The following PHLDA3 variants were observed in gnomAD, a reference collection of about 807,000 sequenced individuals.
PHLDA3 encodes pleckstrin homology-like domain family A member 3.
A neutral mutation model predicts 7.6 loss-of-function variants in PHLDA3; 12 were observed. That is an observed-to-expected ratio of 1.58 (90% CI 1.01 to 2.55). The LOEUF (loss-of-function observed/expected upper bound fraction) is 2.55. Among genes scored for constraint, PHLDA3 ranks in the 30% most tolerant of loss-of-function variants. The pLI is 0.00. For synonymous variants in PHLDA3, 104 were observed against 85.1 expected (o/e 1.22, Z -1.23); for missense variants, 177 against 175.6 (o/e 1.01, Z -0.05).
chr1:201,468,743 A>G lies in PHLDA3; in HGVS notation c.44T>C (p.Leu15Pro), dbSNP rs780299942. Residue 15 changes from leucine (L) to proline (P), a missense_variant, in exon 1 of 2, where the codon CTG (leucine) becomes CCG (proline). Transcript: ENST00000367311. Reference protein sequence around the residue: ...ATATVLKEGVLEKRSGGLLQL... With the variant: ...ATATVLKEGVPEKRSGGLLQL... ...CAGCAGCCCGCCGCTGCGCTTCTCC[A>G]GCACGCCCTCCTTGAGCACGGTAGC... is the stretch of plus-strand genomic sequence containing the variant. 267 of 1,595,290 alleles carry G rather than the reference A, an allele frequency of 1.7e-4. 1 individual carries two copies. Among genetic ancestry groups the G allele is most frequent in the Non-Finnish European group, 2.3e-4 (267 of 1,176,074 alleles).
chr1:201,468,002 C>A (rs1302665004), intron 1 of PHLDA3, among the ~76,000 whole-genome samples: 1 of 152,250 alleles, frequency 6.6e-6, no homozygotes, highest in Non-Finnish European at 1.5e-5. Context: ...CAGCCTGGGG[C>A]AATGTGCAGG....
At position 201,465,529 on chromosome 1, in the gene PHLDA3, G is replaced by C. The variant is rs1168176933; in HGVS notation, c.*712C>G. 1 of 154,872 alleles carries C rather than the reference G, an allele frequency of 6.5e-6. No homozygotes were observed. The allele number at this position is 154,872 out of a possible 1,614,324, so 9.6% of individuals were successfully genotyped here. A position where few individuals can be genotyped will look rare whatever the true frequency, so the allele number is the denominator to read the frequency against. ...GCCCTTTGCAGGGCATCTTCATTTG[G>C]GGAAAGACATGAAATGCTAATGGCC... On this transcript the variant is annotated 3_prime_UTR_variant, in exon 2 of 2. Coordinates refer to ENST00000367311, the MANE Select transcript of PHLDA3 (RefSeq NM_012396.5).
At position 201,467,319 on chromosome 1, in the gene PHLDA3, T is replaced by A. The variant is rs370905764; in HGVS notation, c.*62+1022A>T. Among the ~76,000 whole-genome samples the A allele has an allele frequency of 8.6e-5, 13 of 151,492 alleles. 1 individual carries two copies. In the East Asian group the frequency reaches 2.2e-3, roughly 25 times the overall value. On this transcript the variant is annotated intron_variant, in intron 1 of 1. Coordinates refer to ENST00000367311, the MANE Select transcript of PHLDA3 (RefSeq NM_012396.5). The stretch of plus-strand genomic sequence containing the variant: ...ACAGGTAGAGATCCTGTCTCAAAAA[T>A]ATATATATAGGCTGGGTGCAGTGGC...
chr1:201,467,639 TACACAC>T (rs56225084), intron 1 of PHLDA3: 53,326 of 139,610 alleles, frequency 0.38, 10,811 homozygotes, highest in Non-Finnish European at 0.48. Flanking sequence ...CAACAAACCA[TACACAC>T]ACACACACAC....
chr1:201,468,997 C>CCCCGCTTCAGCCGGCA lies in PHLDA3; in HGVS notation c.-227_-212dup, dbSNP rs1663758186. 3 of 470,548 alleles carry CCCCGCTTCAGCCGGCA rather than the reference C, an allele frequency of 6.4e-6. No individual in the cohort carries two copies. Among genetic ancestry groups the CCCCGCTTCAGCCGGCA allele is most frequent in the Non-Finnish European group, 1.0e-5 (3 of 289,832 alleles). 29.1% of individuals were successfully genotyped at this position (470,548 alleles called of 1,614,324 possible). On this transcript the variant is annotated 5_prime_UTR_variant, in exon 1 of 2. Transcript: ENST00000367311. ...CCCCCAGCGCGCTCCGCGCCCACCG[C>CCCCGCTTCAGCCGGCA]CCCGCTTCAGCCGGCACCCGCTCCT... is the stretch of plus-strand genomic sequence containing the variant.
Position 201,468,513 on chromosome 1 carries a change from G to C in PHLDA3, c.274C>G (p.Pro92Ala). ...AGGGTGATCTGGGCGTTCCAGCCGGGATCTTCCAGGGGGCAGCGGAAGTCG... is the reference window on the plus strand; with the variant it reads ...AGGGTGATCTGGGCGTTCCAGCCGGCATCTTCCAGGGGGCAGCGGAAGTCG... ...EIDFRCPLED[P>A]GWNAQITLGL... Residue 92 changes from proline to alanine, a missense_variant, in exon 1 of 2, where the codon CCC becomes GCC. Pro to Ala is a conservative substitution (Grantham distance 27). Transcript: ENST00000367311. The C allele has an allele frequency of 6.2e-7, 1 of 1,614,188 alleles. No homozygotes were observed. Among genetic ancestry groups the C allele is most frequent in the Non-Finnish European group, 8.5e-7 (1 of 1,180,032 alleles).
chr1:201,467,092 C>A (rs376646604), intron 1 of PHLDA3, among the ~76,000 whole-genome samples: 2 of 152,100 alleles, frequency 1.3e-5, no homozygotes, highest in African/African-American at 4.8e-5. Context: ...GGGCAGATTG[C>A]TTGAGCTCAG....
At chr1:201,468,089 C>T (rs1056683853) in intron 1 of PHLDA3, among the ~76,000 whole-genome samples, 14 of 152,202 alleles carry the variant, frequency 9.2e-5, no homozygotes, top group African/African-American at 3.1e-4. Context: ...CCCAGGTATC[C>T]CCCTCCCAGG....
intron 1 of PHLDA3, chr1:201,466,587 T>A (rs899090533): frequency 6.6e-6 from 1 of 151,956 alleles, no homozygotes; most frequent in Non-Finnish European, 1.5e-5. Context: ...ACTGGAAAAA[T>A]TAAGGCTAGA....
Position 201,468,846 on chromosome 1 carries a change from C to G in PHLDA3, c.-60G>C, listed in dbSNP as rs1461056479. On this transcript the variant is annotated 5_prime_UTR_variant, in exon 1 of 2. Transcript: ENST00000367311. ...CGGCGGGCGCGGCGCCCCTCTCGGC[C>G]CCGCAGCGCAGGATTCTGGCGCCCC... The G allele has an allele frequency of 1.4e-6, 2 of 1,440,632 alleles. No individual in the cohort carries two copies. Among genetic ancestry groups the G allele is most frequent in the East Asian group, 2.8e-5 (1 of 35,570 alleles). The allele number at this position is 1,440,632 out of a possible 1,614,324, so 89.2% of individuals were successfully genotyped here.
In PHLDA3 at chr1:201,465,311, G is replaced by A. The variant is rs759144034; in HGVS notation, c.*930C>T. ...TGAACTGACCAGCTTGACATCCCTCGGTCCAGAATCTATGGGCCCTCCTTC... is the reference window on the plus strand; with the variant it reads ...TGAACTGACCAGCTTGACATCCCTCAGTCCAGAATCTATGGGCCCTCCTTC... On this transcript the variant is annotated 3_prime_UTR_variant, in exon 2 of 2. Transcript: ENST00000367311. The A allele has an allele frequency of 7.2e-5, 11 of 152,302 alleles. 1 individual carries two copies. Among genetic ancestry groups the A allele is most frequent in the Non-Finnish European group, 1.5e-4 (10 of 68,034 alleles). The allele number at this position is 152,302 out of a possible 1,614,324, so 9.4% of individuals were successfully genotyped here. A position where few individuals can be genotyped will look rare whatever the true frequency, so the allele number is the denominator to read the frequency against.
rs781450871 is a variant in PHLDA3, at chr1:201,464,691, C to A, written c.*1550G>T. ...ACAGGGAAGGTCAGACATGGGAAAA[C>A]AATGGAGGAAAGGCAGGCAGGGTCA... is the stretch of plus-strand genomic sequence containing the variant. On this transcript the variant is annotated 3_prime_UTR_variant, in exon 2 of 2. Coordinates refer to ENST00000367311, the MANE Select transcript of PHLDA3 (RefSeq NM_012396.5). The A allele has an allele frequency of 6.6e-6, 1 of 152,304 alleles. No homozygotes were observed. The allele number at this position is 152,304 out of a possible 1,614,324, so 9.4% of individuals were successfully genotyped here.
At position 201,465,281 on chromosome 1, in the gene PHLDA3, G is replaced by C. The variant is rs188956475; in HGVS notation, c.*960C>G. The C allele has an allele frequency of 5.9e-3, 898 of 152,358 alleles. 5 individuals are homozygous for C. Among genetic ancestry groups the C allele is most frequent in the Non-Finnish European group, 9.1e-3 (621 of 68,028 alleles). The allele number at this position is 152,358 out of a possible 1,614,324, so 9.4% of individuals were successfully genotyped here. The stretch of plus-strand genomic sequence containing the variant: ...GCCTCCTGTAGAAGAGACATTCATA[G>C]GGACTGAACTGACCAGCTTGACATC... On this transcript the variant is annotated 3_prime_UTR_variant, in exon 2 of 2. Coordinates refer to ENST00000367311, the MANE Select transcript of PHLDA3 (RefSeq NM_012396.5).
At position 201,468,618 on chromosome 1, in the gene PHLDA3, G is replaced by A. The variant is rs1160926926; in HGVS notation, c.169C>T (p.Arg57Cys). 1.9e-6 allele frequency: 3 copies of A among 1,613,630 alleles called. No homozygotes were observed. The highest frequency in any genetic ancestry group is 4.5e-5 in the East Asian group (2 of 44,866). ...GGRPKELSFA[R>C]IKAVECVEST... The stretch of plus-strand genomic sequence containing the variant: ...TCCACGCACTCCACGGCCTTGATGC[G>A]GGCGAAGCTGAGCTCCTTGGGCCGG... The change falls in exon 1 of 2, where the codon CGC becomes TGC. Residue 57 changes from arginine (R) to cysteine (C), a missense_variant. By Grantham distance (180) the Arg-to-Cys change is radical (BLOSUM62 -3). Transcript: ENST00000367311.
At chr1:201,467,951 G>A in intron 1 of PHLDA3, among the ~76,000 whole-genome samples, 1 of 152,330 alleles carries the variant, frequency 6.6e-6, no homozygotes, top group East Asian at 1.9e-4. Context: ...CCAGAAAGCC[G>A]AAGTCCAGGA....
chr1:201,467,697 G>T (rs969572196), intron 1 of PHLDA3: 1 of 152,480 alleles, frequency 6.6e-6, no homozygotes, highest in African/African-American at 2.4e-5. Flanking sequence ...TAGAGGAGGA[G>T]CTGGATCCCT....
rs921664877 is a variant in PHLDA3 at position 201,468,826 on chromosome 1, G to A, written c.-40C>T. On this transcript the variant is annotated 5_prime_UTR_variant, in exon 1 of 2. Coordinates refer to ENST00000367311, the MANE Select transcript of PHLDA3 (RefSeq NM_012396.5). ...TCGCGGAAAGCTCCAGGCTGCGGCG[G>A]GCGCGGCGCCCCTCTCGGCCCCGCA... 1.4e-6 allele frequency: 2 copies of A among 1,475,952 alleles called. No individual in the cohort carries two copies. The highest frequency in any genetic ancestry group is 1.8e-6 in the Non-Finnish European group (2 of 1,125,934). The allele number at this position is 1,475,952 out of a possible 1,614,324, so 91.4% of individuals were successfully genotyped here.
intron 1 of PHLDA3, chr1:201,466,800 T>G (rs1663674954): frequency 6.6e-6 from 1 of 152,268 alleles, no homozygotes; most frequent in African/African-American, 2.4e-5. Context: ...TAACAACTCA[T>G]GACCCCATCC....
At position 201,465,460 on chromosome 1, in the gene PHLDA3, T is replaced by A. The variant is rs1268061147; in HGVS notation, c.*781A>T. The A allele has an allele frequency of 6.5e-6, 1 of 154,210 alleles. No individual in the cohort carries two copies. The highest frequency in any genetic ancestry group is 1.5e-5 in the Non-Finnish European group (1 of 68,116). The allele number at this position is 154,210 out of a possible 1,614,324, so 9.6% of individuals were successfully genotyped here. A position where few individuals can be genotyped will look rare whatever the true frequency, so the allele number is the denominator to read the frequency against. On this transcript the variant is annotated 3_prime_UTR_variant, in exon 2 of 2. Coordinates refer to ENST00000367311, the MANE Select transcript of PHLDA3 (RefSeq NM_012396.5). ...AGAGAGAGATGCTCCAAGCCCTGGG[T>A]CTTTGTGGGCAAAGAATTTCACTCA...
Sources: gnomAD v4.1 joint callset for allele counts (sites outside exome capture counted in the v4.1 genomes callset) on GRCh38, gnomAD v4.1.1 for gene constraint, MANE v1.5 for transcripts, NCBI Gene and HGNC (gene_info 2026-07-23, HGNC 2026-07-21) for gene names.